Variants in BASP1 observed in about 807,000 individuals in gnomAD.
The protein encoded by BASP1 is brain abundant membrane attached signal protein 1, also known as brain acid soluble protein 1.
In BASP1, 1 loss-of-function variant was observed where a neutral mutation model predicts 2.2. That is an observed-to-expected ratio of 0.46 (90% CI 0.16 to 2.17). The LOEUF is 2.17. BASP1 is among the 30% of genes most tolerant of loss of function. The pLI is 0.27. For missense variants in BASP1, 352 were observed against 327.2 expected (o/e 1.08, Z -0.58); for synonymous variants, 187 against 154.2 (o/e 1.21, Z -1.58).
At chr5:17,264,940 A>G (rs1395178070) in intron 1 of BASP1, among the ~76,000 whole-genome samples, 2 of 152,258 alleles carry the variant, frequency 1.3e-5, no homozygotes, top group African/African-American at 4.8e-5. Flanking sequence ...ATGCAGGGAA[A>G]GAAGATATAA....
chr5:17,258,032 T>C (rs548338502), intron 1 of BASP1, among the ~76,000 whole-genome samples: 5 of 152,304 alleles, frequency 3.3e-5, no homozygotes, highest in African/African-American at 1.2e-4. Flanking sequence ...GCTTATATCT[T>C]GCCTCCTCTG....
intron 1 of BASP1, among the ~76,000 whole-genome samples, chr5:17,269,865 T>C (rs1472867703): frequency 3.3e-5 from 5 of 152,340 alleles, no homozygotes; most frequent in South Asian, 2.1e-4. Flanking sequence ...CACGTGAAAT[T>C]TGAGGCATTA....
chr5:17,220,511 G>T (rs1295393743), intron 1 of BASP1, among the ~76,000 whole-genome samples: 3 of 152,070 alleles, frequency 2.0e-5, no homozygotes, highest in African/African-American at 7.2e-5. Context: ...ATTTCTATCA[G>T]TTCGCTTATT....
chr5:17,231,750 T>C (rs1043053725), intron 1 of BASP1, among the ~76,000 whole-genome samples: 7 of 152,210 alleles, frequency 4.6e-5, no homozygotes, highest in Non-Finnish European at 7.3e-5. Context: ...TTGATGAGAT[T>C]ATGTAACGTC....
chr5:17,240,888 T>C (rs914987096), intron 1 of BASP1, among the ~76,000 whole-genome samples: 4 of 152,192 alleles, frequency 2.6e-5, no homozygotes, highest in Non-Finnish European at 5.9e-5. Flanking sequence ...GTGATTTTGA[T>C]CTTAAGTTGG....
In BASP1 at chr5:17,251,315, A is replaced by T. The variant is rs935779709; in HGVS notation, c.-9-23893A>T. 5.9e-5 allele frequency among the ~76,000 whole-genome samples: 9 copies of T among 152,246 alleles called. No homozygotes were observed. Among genetic ancestry groups the T allele is most frequent in the Non-Finnish European group, 1.2e-4 (8 of 68,038 alleles). ...CCCAAAATACATAAAATGGTTATAC[A>T]TCAATACAAAAGCATTAAACATCCC... On this transcript the variant is annotated intron_variant, in intron 1 of 1. Coordinates refer to ENST00000322611, the MANE Select transcript of BASP1 (RefSeq NM_006317.5). The surrounding 1 kb of genome is among the most constrained non-coding windows in gnomAD (Gnocchi z 4.0).
chr5:17,260,952 G>A lies in BASP1; in HGVS notation c.-9-14256G>A, dbSNP rs1189105418. 6.6e-6 allele frequency among the ~76,000 whole-genome samples: 1 copy of A among 152,198 alleles called. No individual in the cohort carries two copies. The highest frequency in any genetic ancestry group is 1.5e-5 in the Non-Finnish European group (1 of 68,048). ...GCACTTTGGGAGACCAGGGTGGGAG[G>A]ATTGATTGCTTGAGCTCAGGAGTTA... On this transcript the variant is annotated intron_variant, in intron 1 of 1. Coordinates refer to ENST00000322611, the MANE Select transcript of BASP1 (RefSeq NM_006317.5). The surrounding 1 kb of genome is among the most constrained non-coding windows in gnomAD (Gnocchi z 4.2).
rs763499239 is a variant in BASP1, at chr5:17,275,301, G to A, written c.85G>A (p.Ala29Thr). ...AKEKDKKAEG[A>T]ATEEEGTPKE... ...GGAGAAAGACAAGAAGGCCGAGGGC[G>A]CGGCGACGGAAGAGGAGGGGACCCC... Residue 29 changes from alanine (A) to threonine (T), a missense_variant, in exon 2 of 2, where the codon GCG becomes ACG. Ala to Thr is a moderately conservative substitution (Grantham distance 58, BLOSUM62 0). Coordinates refer to ENST00000322611, the MANE Select transcript of BASP1 (RefSeq NM_006317.5). The surrounding 1 kb of genome is among the most constrained non-coding windows in gnomAD (Gnocchi z 5.3). 2.5e-6 allele frequency: 4 copies of A among 1,613,928 alleles called. No homozygotes were observed. Among genetic ancestry groups the A allele is most frequent in the Non-Finnish European group, 3.4e-6 (4 of 1,179,960 alleles).
At chr5:17,223,945 T>C (rs1036783933) in intron 1 of BASP1, among the ~76,000 whole-genome samples, 3 of 152,188 alleles carry the variant, frequency 2.0e-5, no homozygotes, top group Non-Finnish European at 4.4e-5. Context: ...CCTCCATACC[T>C]GGAGTAAAAC....
chr5:17,260,615 G>C lies in BASP1; in HGVS notation c.-9-14593G>C, dbSNP rs78806184. On this transcript the variant is annotated intron_variant, in intron 1 of 1. Transcript: ENST00000322611. The surrounding 1 kb of genome is among the most constrained non-coding windows in gnomAD (Gnocchi z 4.2). ...TGATTTTTTTCTACTGCTGGTGAAAGGTAAGTTACATAACCCAACTTCTAG... is the reference window on the plus strand; with the variant it reads ...TGATTTTTTTCTACTGCTGGTGAAACGTAAGTTACATAACCCAACTTCTAG... Among the ~76,000 whole-genome samples the C allele has an allele frequency of 1.6e-3, 237 of 152,124 alleles. 3 individuals are homozygous for C. In the East Asian group the frequency reaches 0.028, roughly 18 times the overall value.
At chr5:17,243,022 A>G (rs1739899309) in intron 1 of BASP1, among the ~76,000 whole-genome samples, 1 of 152,186 alleles carries the variant, frequency 6.6e-6, no homozygotes, top group South Asian at 2.1e-4. Context: ...GTATGAAACC[A>G]GATCATGTGT....
At chr5:17,254,908 A>G (rs902336072) in intron 1 of BASP1, among the ~76,000 whole-genome samples, 2 of 152,198 alleles carry the variant, frequency 1.3e-5, no homozygotes, top group Admixed American at 1.3e-4. Context: ...AGTTGACACC[A>G]AAGGAAGTAA....
chr5:17,253,926 G>C (rs1740150401), intron 1 of BASP1, among the ~76,000 whole-genome samples: 2 of 151,916 alleles, frequency 1.3e-5, no homozygotes, highest in African/African-American at 4.8e-5. Flanking sequence ...ACTGTATCTA[G>C]TGTTTTTTTT....
At chr5:17,237,679 T>G (rs2102078) in intron 1 of BASP1, among the ~76,000 whole-genome samples, 2 of 148,140 alleles carry the variant, frequency 1.4e-5, no homozygotes, top group Non-Finnish European at 3.0e-5. Context: ...TGTAGTGCAG[T>G]GGCTCACTGT....
rs1740621467 is a variant in BASP1 at position 17,275,432 on chromosome 5, G to A, written c.216G>A (p.Glu72=). 1.3e-6 allele frequency: 2 copies of A among 1,537,424 alleles called. No homozygotes were observed. The highest frequency in any genetic ancestry group is 4.9e-5 in the East Asian group (2 of 41,144). ...AEGKAEEKEG[E]KDAAAAKEEA... is the part of the protein sequence containing the mutation. ...GCAAGGCCGAGGAGAAGGAGGGCGAGAAGGACGCGGCGGCTGCCAAGGAGG... is the reference window on the plus strand; with the variant it reads ...GCAAGGCCGAGGAGAAGGAGGGCGAAAAGGACGCGGCGGCTGCCAAGGAGG... Residue 72 remains glutamate, a synonymous_variant, in exon 2 of 2, where the codon GAG becomes GAA. Coordinates refer to ENST00000322611, the MANE Select transcript of BASP1 (RefSeq NM_006317.5). The surrounding 1 kb of genome is among the most constrained non-coding windows in gnomAD (Gnocchi z 5.3).
chr5:17,221,887 CTAA>C (rs1346847551), intron 1 of BASP1, among the ~76,000 whole-genome samples: 2 of 151,998 alleles, frequency 1.3e-5, no homozygotes, highest in African/African-American at 4.8e-5. Context: ...TTTGAAGAAT[CTAA>C]TAATTCCTAT....
At chr5:17,254,605 A>T (rs1740163992) in intron 1 of BASP1, among the ~76,000 whole-genome samples, 1 of 152,254 alleles carries the variant, frequency 6.6e-6, no homozygotes, top group Non-Finnish European at 1.5e-5. Flanking sequence ...ACGGATCTGC[A>T]GTGCATCATG....
At chr5:17,262,401 G>T (rs1740330756) in intron 1 of BASP1, among the ~76,000 whole-genome samples, 1 of 152,200 alleles carries the variant, frequency 6.6e-6, no homozygotes, top group Non-Finnish European at 1.5e-5. Flanking sequence ...CAGAGTGCCT[G>T]CATTCACCTC....
At chr5:17,254,638 A>G (rs1010707817) in intron 1 of BASP1, among the ~76,000 whole-genome samples, 4 of 152,226 alleles carry the variant, frequency 2.6e-5, no homozygotes, top group Non-Finnish European at 4.4e-5. Context: ...GTTTTTGAAT[A>G]ATCACATTTA....
Sources: allele counts gnomAD v4.1 joint callset (sites outside exome capture counted in the v4.1 genomes callset), GRCh38; gene constraint gnomAD v4.1.1; non-coding constraint Gnocchi (gnomAD v3.1); transcripts MANE v1.5; gene names NCBI Gene and HGNC (gene_info 2026-07-23, HGNC 2026-07-21).